SLC22A7: variants seen among roughly 807,000 people sequenced by gnomAD.
SLC22A7 encodes hOAT2.
SLC22A7 carries 48 observed loss-of-function variants against 62.2 expected under a neutral mutation model. That is an observed-to-expected ratio of 0.77 (90% CI 0.61 to 0.98). The LOEUF is 0.98. Among genes scored for constraint, SLC22A7 ranks in the 50% least tolerant of loss-of-function variants. The pLI is 0.00. For missense variants in SLC22A7, 581 were observed against 703.8 expected (o/e 0.83, Z 1.97); for synonymous variants, 276 against 314.8 (o/e 0.88, Z 1.30).
At chr6:43,304,463 C>G (rs1778871147) in intron 10 of SLC22A7, 1 of 590,930 alleles carries the variant, frequency 1.7e-6, no homozygotes, top group South Asian at 2.3e-5. Context: ...AACACAAATA[C>G]ATAAGGTTGT....
chr6:43,304,075 C>A lies in SLC22A7; in HGVS notation c.1423C>A (p.Leu475Met). 6.3e-7 allele frequency: 1 copy of A among 1,593,062 alleles called. No homozygotes were observed. Among genetic ancestry groups the A allele is most frequent in the Non-Finnish European group, 8.6e-7 (1 of 1,167,978 alleles). The change falls in exon 10 of 11, where the codon CTG (leucine) becomes ATG (methionine). Residue 475 changes from leucine (L) to methionine (M), a missense_variant. Transcript: ENST00000372585. ...GGGGCTGACTGCACTGGTGGGCCGGCTGGGGGGCTCTTTGGCCCCACTGGC... is the reference window on the plus strand; with the variant it reads ...GGGGCTGACTGCACTGGTGGGCCGGATGGGGGGCTCTTTGGCCCCACTGGC... ...GMGLTALVGR[L>M]GGSLAPLAAL...
rs759438719 is a variant in SLC22A7, at chr6:43,298,391, C to T, written c.33C>T (p.Gly11=). 5.6e-6 allele frequency: 9 copies of T among 1,612,772 alleles called. No individual in the cohort carries two copies. The highest frequency in any genetic ancestry group is 2.2e-5 in the South Asian group (2 of 90,968). Reference sequence around the variant, plus strand: ...TTGAGGAGCTGCTGGAGCAGGTGGGCGGCTTTGGGCCCTTCCAACTGCGGA... The same window carrying T: ...TTGAGGAGCTGCTGGAGCAGGTGGGTGGCTTTGGGCCCTTCCAACTGCGGA... The part of the protein sequence containing the change: MGFEELLEQV[G]GFGPFQLRNV... Residue 11 remains glycine (G), a synonymous_variant, in exon 1 of 11, where the codon GGC becomes GGT. Transcript: ENST00000372585.
At position 43,305,476 on chromosome 6, in the gene SLC22A7, A is replaced by C. The variant is rs202207276; in HGVS notation, c.*751A>C. The C allele has an allele frequency of 1.9e-5, 7 of 366,364 alleles. No homozygotes were observed. In the East Asian group the frequency reaches 4.4e-4, roughly 23 times the overall value. The allele number at this position is 366,364 out of a possible 1,614,324, so 22.7% of individuals were successfully genotyped here. On this transcript the variant is annotated 3_prime_UTR_variant, in exon 11 of 11. Coordinates refer to ENST00000372585, the MANE Select transcript of SLC22A7 (RefSeq NM_153320.2). ...CCCAAAGAAGAGTTGAAGGCATGGG[A>C]GCCAACATTTTATTGAAGAAGCCAC...
chr6:43,300,506 C>T (rs1375492117), intron 5 of SLC22A7, among the ~76,000 whole-genome samples: 2 of 152,082 alleles, frequency 1.3e-5, no homozygotes, highest in East Asian at 1.9e-4. Flanking sequence ...CCTCCTGCCA[C>T]CCATGGGAGA....
Position 43,304,062 on chromosome 6 carries a change from A to C in SLC22A7, c.1410A>C (p.Ala470=). The C allele has an allele frequency of 6.3e-7, 1 of 1,585,050 alleles. No individual in the cohort carries two copies. Among genetic ancestry groups the C allele is most frequent in the African/African-American group, 1.3e-5 (1 of 74,370 alleles). The change falls in exon 10 of 11, where the codon GCA becomes GCC. Residue 470 remains alanine, a synonymous_variant. Transcript: ENST00000372585. ...GACAGACAGGGATGGGGCTGACTGC[A>C]CTGGTGGGCCGGCTGGGGGGCTCTT... is the stretch of plus-strand genomic sequence containing the variant. ...VLRQTGMGLT[A]LVGRLGGSLA...
chr6:43,296,532 G>C (rs1778568008), upstream of SLC22A7, among the ~76,000 whole-genome samples: 1 of 152,308 alleles, frequency 6.6e-6, no homozygotes, highest in South Asian at 2.1e-4. Context: ...AATGAGGGAG[G>C]AACCAACAGT....
At position 43,298,889 on chromosome 6, in the gene SLC22A7, A is replaced by C. The variant is rs367819534; in HGVS notation, c.393+138A>C. 5.0e-5 allele frequency: 65 copies of C among 1,312,612 alleles called. No individual in the cohort carries two copies. In the African/African-American group the frequency reaches 9.5e-4, roughly 19 times the overall value. The allele number at this position is 1,312,612 out of a possible 1,614,324, so 81.3% of individuals were successfully genotyped here. A position where few individuals can be genotyped will look rare whatever the true frequency, so the allele number is the denominator to read the frequency against. ...ACCAATCTGTAGATGGGGGCTATGAATATAAGGCACTTTTAGTTCATGGCT... is the reference window on the plus strand; with the variant it reads ...ACCAATCTGTAGATGGGGGCTATGACTATAAGGCACTTTTAGTTCATGGCT... On this transcript the variant is annotated intron_variant, in intron 1 of 10. Transcript: ENST00000372585.
chr6:43,304,150 G>C lies in SLC22A7; in HGVS notation c.1498G>C (p.Gly500Arg), dbSNP rs761964882. ...GTCACTGCCCAAGCTTACTTATGGG[G>C]GGATCGCCCTGCTGGCTGCCGGCAC... ...WLSLPKLTYG[G>R]IALLAAGTAL... The change falls in exon 10 of 11, where the codon GGG (glycine) becomes CGG (arginine). Residue 500 changes from glycine (G) to arginine (R), a missense_variant. Transcript: ENST00000372585. The C allele has an allele frequency of 1.2e-6, 2 of 1,606,168 alleles. No homozygotes were observed. Among genetic ancestry groups the C allele is most frequent in the South Asian group, 2.2e-5 (2 of 90,034 alleles).
Position 43,299,059 on chromosome 6 carries a change from A to G in SLC22A7, c.394-33A>G. On this transcript the variant is annotated intron_variant, in intron 1 of 10. Transcript: ENST00000372585. The surrounding 1 kb of genome is among the most constrained non-coding windows in gnomAD (Gnocchi z 4.4). ...CTGCAGCAAGAGGTGGAGAAACAAT[A>G]GAGGCCTTCTTTTCTCCCTTCCTCT... 7.7e-6 allele frequency: 12 copies of G among 1,558,952 alleles called. No individual in the cohort carries two copies. Among genetic ancestry groups the G allele is most frequent in the Non-Finnish European group, 9.6e-6 (11 of 1,149,730 alleles).
chr6:43,296,497 TTAA>T (rs973221324), upstream of SLC22A7, among the ~76,000 whole-genome samples: 12 of 152,368 alleles, frequency 7.9e-5, no homozygotes, highest in South Asian at 2.1e-4. Context: ...ACATTTTATA[TTAA>T]TAATATCATT....
chr6:43,300,385 G>A (rs537279090), intron 5 of SLC22A7, among the ~76,000 whole-genome samples: 4 of 152,258 alleles, frequency 2.6e-5, no homozygotes. Context: ...AGCTCAGGCC[G>A]GAGAGTGGGA....
chr6:43,298,511 G>T lies in SLC22A7; in HGVS notation c.153G>T (p.Leu51=). The T allele has an allele frequency of 7.4e-6, 12 of 1,613,468 alleles. No homozygotes were observed. Among genetic ancestry groups the T allele is most frequent in the Admixed American group, 1.7e-5 (1 of 60,018 alleles). The change falls in exon 1 of 11, where the codon CTG becomes CTT. Residue 51 remains leucine (L), a synonymous_variant. Transcript: ENST00000372585. The part of the protein sequence containing the change: ...LAAVPAHRCA[L]PGAPANFSHQ... ...CCGTGCCTGCCCACCGATGTGCCCT[G>T]CCGGGTGCCCCTGCCAACTTCAGCC...
rs1778890511 is a variant in SLC22A7, at chr6:43,304,959, GTAAA to G, written c.*239_*242del. 1 of 397,714 alleles carries G rather than the reference GTAAA, an allele frequency of 2.5e-6. No homozygotes were observed. Among genetic ancestry groups the G allele is most frequent in the Non-Finnish European group, 4.5e-6 (1 of 223,672 alleles). 24.6% of individuals were successfully genotyped at this position (397,714 alleles called of 1,614,324 possible). A position where few individuals can be genotyped will look rare whatever the true frequency, so the allele number is the denominator to read the frequency against. On this transcript the variant is annotated 3_prime_UTR_variant, in exon 11 of 11. Coordinates refer to ENST00000372585, the MANE Select transcript of SLC22A7 (RefSeq NM_153320.2). ...CCCTCTCACGGTTGGGGAGGATTCT[GTAAA>G]TAAAGGTGCCCCTTGGGTTGGGGCA... is the stretch of plus-strand genomic sequence containing the variant.
chr6:43,304,796 C>A lies in SLC22A7; in HGVS notation c.*71C>A. ...TGGGAGAGCAGAAGGGCAGGCCCTGCAACTCAGGCTGGGAGTATCGAACCC... is the reference window on the plus strand; with the variant it reads ...TGGGAGAGCAGAAGGGCAGGCCCTGAAACTCAGGCTGGGAGTATCGAACCC... On this transcript the variant is annotated 3_prime_UTR_variant, in exon 11 of 11. Transcript: ENST00000372585. 7.8e-7 allele frequency: 1 copy of A among 1,282,972 alleles called. No individual in the cohort carries two copies. The highest frequency in any genetic ancestry group is 1.1e-6 in the Non-Finnish European group (1 of 933,634). 79.5% of individuals were successfully genotyped at this position (1,282,972 alleles called of 1,614,324 possible).
chr6:43,301,445 T>G, intron 6 of SLC22A7, 138 bp from the exon 7 acceptor site: 1 of 1,017,646 alleles, frequency 9.8e-7, no homozygotes, highest in South Asian at 1.5e-5. Context: ...CGAGACCCAC[T>G]CGTCTCAGCT....
upstream of SLC22A7, among the ~76,000 whole-genome samples, chr6:43,297,574 T>C (rs1778588567): frequency 6.6e-6 from 1 of 152,144 alleles, no homozygotes; most frequent in Non-Finnish European, 1.5e-5. Context: ...ATCTTAGGCA[T>C]TGCAGGTACC....
chr6:43,299,287 C>G lies in SLC22A7; in HGVS notation c.400-103C>G, dbSNP rs745367217. 9 of 1,602,490 alleles carry G rather than the reference C, an allele frequency of 5.6e-6. No individual in the cohort carries two copies. Among genetic ancestry groups the G allele is most frequent in the Non-Finnish European group, 7.7e-6 (9 of 1,174,194 alleles). On this transcript the variant is annotated intron_variant, in intron 2 of 10. Transcript: ENST00000372585. This position sits in a 1 kb window ranked among gnomAD's most constrained non-coding sequence, Gnocchi z 4.4. ...ATCTGGCATGGAGGTACCAGAATGG[C>G]AGAGTTCGCCTCAGAAGGCTCCAGG...
Position 43,302,468 on chromosome 6 carries a change from G to A in SLC22A7, c.1276+54G>A. The A allele has an allele frequency of 1.4e-6, 2 of 1,449,662 alleles. No individual in the cohort carries two copies. The highest frequency in any genetic ancestry group is 1.8e-6 in the Non-Finnish European group (2 of 1,083,294). The allele number at this position is 1,449,662 out of a possible 1,614,324, so 89.8% of individuals were successfully genotyped here. ...CCCCAGAAGCCGGGCCAGGAACCCTGCCCACTCCCCGGAGACCCCACCTCC... is the reference window on the plus strand; with the variant it reads ...CCCCAGAAGCCGGGCCAGGAACCCTACCCACTCCCCGGAGACCCCACCTCC... On this transcript the variant is annotated intron_variant, in intron 8 of 10. Transcript: ENST00000372585. The surrounding 1 kb of genome is among the most constrained non-coding windows in gnomAD (Gnocchi z 5.0).
At chr6:43,303,535 G>T (rs1039930069) in intron 9 of SLC22A7, among the ~76,000 whole-genome samples, 1 of 151,930 alleles carries the variant, frequency 6.6e-6, no homozygotes, top group African/African-American at 2.4e-5. Context: ...GCCCCATCCT[G>T]CCCACCCCCA....
Sources: allele counts gnomAD v4.1 joint callset (sites outside exome capture counted in the v4.1 genomes callset), GRCh38; gene constraint gnomAD v4.1.1; non-coding constraint Gnocchi (gnomAD v3.1); transcripts MANE v1.5; gene names NCBI Gene and HGNC (gene_info 2026-07-23, HGNC 2026-07-21).